The following KLHL29 variants were observed in gnomAD, a reference collection of about 807,000 sequenced individuals.
The protein encoded by KLHL29 is kelch like family member 29.
Under a neutral mutation model 80.4 loss-of-function variants are expected in KLHL29, and 21 were observed. The ratio of observed to expected loss-of-function variants is 0.26; its 90% CI spans 0.19 to 0.38. KLHL29 has a LOEUF of 0.38. Ranked by LOEUF, KLHL29 falls within the 10% of genes least tolerant of loss-of-function variation. The pLI is 1.00. For synonymous variants in KLHL29, 511 were observed against 526.8 expected (o/e 0.97, Z 0.41); for missense variants, 867 against 1,223.9 (o/e 0.71, Z 4.35).
chr2:23,627,127 C>G (rs1669335657), intron 3 of KLHL29, among the ~76,000 whole-genome samples: 1 of 152,216 alleles, frequency 6.6e-6, no homozygotes, highest in Non-Finnish European at 1.5e-5. Flanking sequence ...GCCTCTTCCA[C>G]CACTGCTTAA....
rs1671960313 is a variant in KLHL29, at chr2:23,696,382, C to G, written c.1974C>G (p.Ser658=). 1.3e-6 allele frequency: 2 copies of G among 1,551,510 alleles called. No homozygotes were observed. Among genetic ancestry groups the G allele is most frequent in the Admixed American group, 3.9e-5 (2 of 50,974 alleles). The change falls in exon 11 of 14, where the codon TCC becomes TCG. Residue 658 remains serine, a synonymous_variant. Transcript: ENST00000486442. The surrounding 1 kb of genome is among the most constrained non-coding windows in gnomAD (Gnocchi z 5.5). ...TGGCTGATGTCTGGTGCTACATGTC[C>G]CTGCTTGATAACTGGAACCTCGTCT... is the stretch of plus-strand genomic sequence containing the variant. The part of the protein sequence containing the change: ...VTLADVWCYM[S]LLDNWNLVSR...
At chr2:23,386,074 G>C (rs760178676) in intron 1 of KLHL29, among the ~76,000 whole-genome samples, 78 of 152,226 alleles carry the variant, frequency 5.1e-4, no homozygotes, top group Admixed American at 1.4e-3. Context: ...ACGGTGTTCG[G>C]AGGTGCTGGA....
chr2:23,670,364 C>T (rs1358315288), intron 5 of KLHL29: 1 of 152,298 alleles, frequency 6.6e-6, no homozygotes, highest in Non-Finnish European at 1.5e-5. Flanking sequence ...CCGGGTGCCT[C>T]CTCACAAGCT....
chr2:23,437,110 T>G (rs995031256), intron 1 of KLHL29, among the ~76,000 whole-genome samples: 1 of 152,220 alleles, frequency 6.6e-6, no homozygotes, highest in African/African-American at 2.4e-5. Context: ...AAGCCCGGGT[T>G]CAGCGGAATG....
At chr2:23,644,555 T>G (rs1336465479) in intron 5 of KLHL29, among the ~76,000 whole-genome samples, 3 of 152,232 alleles carry the variant, frequency 2.0e-5, no homozygotes, top group Middle Eastern at 6.3e-3. Flanking sequence ...CAAGCTGGGA[T>G]CTGCCCCACC....
intron 1 of KLHL29, among the ~76,000 whole-genome samples, chr2:23,421,186 A>G (rs1285661616): frequency 6.6e-6 from 1 of 152,154 alleles, no homozygotes; most frequent in Non-Finnish European, 1.5e-5. Context: ...AGGTCCTTTG[A>G]GCCCCTGCAG....
intron 1 of KLHL29, among the ~76,000 whole-genome samples, chr2:23,452,713 A>G (rs531626078): frequency 6.6e-6 from 1 of 152,352 alleles, no homozygotes; most frequent in East Asian, 1.9e-4. Flanking sequence ...ACAGCAGTGC[A>G]TTTACATTGT....
chr2:23,435,870 C>G (rs1280503010), intron 1 of KLHL29, among the ~76,000 whole-genome samples: 1 of 148,036 alleles, frequency 6.8e-6, no homozygotes, highest in East Asian at 2.0e-4. Context: ...TTAGCTAGTT[C>G]TGGGTTTTCT....
intron 1 of KLHL29, among the ~76,000 whole-genome samples, chr2:23,471,606 GTGAC>G (rs1287821668): frequency 6.6e-6 from 1 of 152,186 alleles, no homozygotes; most frequent in African/African-American, 2.4e-5. Flanking sequence ...TTCACAAGCA[GTGAC>G]TGACTACCTA....
intron 2 of KLHL29, among the ~76,000 whole-genome samples, chr2:23,541,209 A>T (rs1005201882): frequency 6.6e-6 from 1 of 152,194 alleles, no homozygotes; most frequent in Non-Finnish European, 1.5e-5. Context: ...ATGTTCAACA[A>T]ATATTTGGTG....
intron 2 of KLHL29, among the ~76,000 whole-genome samples, chr2:23,501,042 T>C (rs185807540): frequency 6.6e-6 from 1 of 152,202 alleles, no homozygotes; most frequent in African/African-American, 2.4e-5. Flanking sequence ...ACGAGCAGCT[T>C]GATTAGCTGA....
intron 5 of KLHL29, among the ~76,000 whole-genome samples, chr2:23,674,563 A>G (rs1488510455): frequency 1.3e-5 from 2 of 152,080 alleles, no homozygotes; most frequent in South Asian, 2.1e-4. Context: ...GAACCACCCC[A>G]TCTTCCAAGA....
rs73919774 is a variant in KLHL29 at position 23,593,732 on chromosome 2, G to A, written c.285+31251G>A. Among the ~76,000 whole-genome samples the A allele has an allele frequency of 1.9e-3, 287 of 152,306 alleles. No individual in the cohort carries two copies. In the Middle Eastern group the frequency reaches 0.027, roughly 14 times the overall value. ...CTGTGAAATGCAGTGTCTTCACCTC[G>A]GAAAGCCCTCCCAGGGGCTGCCCTT... On this transcript the variant is annotated intron_variant, in intron 3 of 13. Transcript: ENST00000486442.
rs1671053001 is a variant in KLHL29 at position 23,680,509 on chromosome 2, G to T, written c.941-3890G>T. On this transcript the variant is annotated intron_variant, in intron 5 of 13. Transcript: ENST00000486442. The surrounding 1 kb of genome is among the most constrained non-coding windows in gnomAD (Gnocchi z 4.1). The stretch of plus-strand genomic sequence containing the variant: ...AGGAGACCCAAAAACAACCTCTGGG[G>T]CCGACCAACAGGGACAGATGCTGAG... 6.6e-6 allele frequency among the ~76,000 whole-genome samples: 1 copy of T among 152,186 alleles called. No homozygotes were observed. The highest frequency in any genetic ancestry group is 1.5e-5 in the Non-Finnish European group (1 of 68,028).
chr2:23,388,361 C>T (rs1666236331), intron 1 of KLHL29, among the ~76,000 whole-genome samples: 1 of 152,180 alleles, frequency 6.6e-6, no homozygotes, highest in South Asian at 2.1e-4. Context: ...TTGAGTCAGT[C>T]ACTTTAAGAC....
intron 5 of KLHL29, among the ~76,000 whole-genome samples, chr2:23,658,032 G>A (rs1572472426): frequency 1.3e-5 from 2 of 152,194 alleles, no homozygotes; most frequent in African/African-American, 4.8e-5. Flanking sequence ...ATGGCACCCA[G>A]AACAGCCTGT....
chr2:23,538,318 G>A (rs755653801), intron 2 of KLHL29, among the ~76,000 whole-genome samples: 10 of 152,212 alleles, frequency 6.6e-5, no homozygotes, highest in East Asian at 1.9e-4. Flanking sequence ...GATGCCTGAC[G>A]TCAGTTTCAC....
chr2:23,499,932 G>A (rs1415827227), intron 2 of KLHL29, among the ~76,000 whole-genome samples: 1 of 152,232 alleles, frequency 6.6e-6, no homozygotes, highest in Non-Finnish European at 1.5e-5. Context: ...CTTTTTTTAG[G>A]ATAGAAGGTT....
intron 2 of KLHL29, among the ~76,000 whole-genome samples, chr2:23,556,338 C>T (rs1223746895): frequency 3.9e-5 from 6 of 152,076 alleles, no homozygotes; most frequent in Admixed American, 1.3e-4. Flanking sequence ...AGGCTCTGTG[C>T]ACAGGGGAGA....
Sources: gnomAD v4.1 joint callset for allele counts (sites outside exome capture counted in the v4.1 genomes callset) on GRCh38, gnomAD v4.1.1 for gene constraint, Gnocchi (gnomAD v3.1) non-coding constraint, MANE v1.5 for transcripts, NCBI Gene and HGNC (gene_info 2026-07-23, HGNC 2026-07-21) for gene names.